Variants in FGF10 observed in about 807,000 individuals in gnomAD.
FGF10 encodes the protein FGF-10.
In FGF10, 2 loss-of-function variants were observed where a neutral mutation model predicts 19.8. That is an observed-to-expected ratio of 0.10 (90% CI 0.04 to 0.32). The LOEUF is 0.32. Among genes scored for constraint, FGF10 ranks in the 10% least tolerant of loss-of-function variants. The pLI, the probability that FGF10 is intolerant of heterozygous loss-of-function variation, is 1.00. For missense variants in FGF10, 191 were observed against 246.3 expected (o/e 0.78, Z 1.50); for synonymous variants, 112 against 94.0 (o/e 1.19, Z -1.10).
chr5:44,334,826 T>A (rs1448042), intron 1 of FGF10, among the ~76,000 whole-genome samples: 115 of 152,214 alleles, frequency 7.6e-4, no homozygotes, highest in African/African-American at 2.7e-3. Flanking sequence ...ATAAAGATAC[T>A]TGCATAAACA....
chr5:44,321,737 G>T (rs940471448), intron 1 of FGF10, among the ~76,000 whole-genome samples: 2 of 152,096 alleles, frequency 1.3e-5, no homozygotes, highest in Non-Finnish European at 2.9e-5. Flanking sequence ...GCACAGTTCT[G>T]TGAGGAGACA....
chr5:44,366,048 T>C (rs1441547915), intron 1 of FGF10, among the ~76,000 whole-genome samples: 1 of 151,904 alleles, frequency 6.6e-6, no homozygotes. Context: ...GCTCTTCTAT[T>C]ATTCTGATTA....
At position 44,345,556 on chromosome 5, in the gene FGF10, C is replaced by CT. The variant is rs796996493; in HGVS notation, c.326-35027dup. 3.3e-5 allele frequency among the ~76,000 whole-genome samples: 5 copies of CT among 150,548 alleles called. 1 individual carries two copies. Among genetic ancestry groups the CT allele is most frequent in the African/African-American group, 1.2e-4 (5 of 41,034 alleles). On this transcript the variant is annotated intron_variant, in intron 1 of 2. Coordinates refer to ENST00000264664, the MANE Select transcript of FGF10 (RefSeq NM_004465.2). ...TCAAGCTTTCCTCAAAATTTCTCTC[C>CT]TTTTTTTTCTTTGCTTCCCTTCTCA... is the stretch of plus-strand genomic sequence containing the variant.
intron 1 of FGF10, among the ~76,000 whole-genome samples, chr5:44,363,250 A>G (rs1741532005): frequency 6.6e-6 from 1 of 151,868 alleles, no homozygotes; most frequent in Admixed American, 6.6e-5. Flanking sequence ...ACTGCTCTTT[A>G]AGTGAAAACT....
At chr5:44,388,160 G>C (rs1742149038) in intron 1 of FGF10, among the ~76,000 whole-genome samples, 198 bp downstream of exon 1, 1 of 151,202 alleles carries the variant, frequency 6.6e-6, no homozygotes, top group South Asian at 2.1e-4. Flanking sequence ...AAGGGAGCGC[G>C]CTTAGGGGAG....
chr5:44,305,815 C>A (rs576685091), intron 2 of FGF10, among the ~76,000 whole-genome samples: 8 of 152,208 alleles, frequency 5.3e-5, no homozygotes, highest in South Asian at 2.1e-4. Flanking sequence ...ACAGATTTTG[C>A]TCGTGAACTC....
chr5:44,328,992 G>A (rs1740672291), intron 1 of FGF10, among the ~76,000 whole-genome samples: 1 of 152,078 alleles, frequency 6.6e-6, no homozygotes, highest in African/African-American at 2.4e-5. Context: ...GTGAGACTCT[G>A]TCTCTGAATA....
At chr5:44,320,808 G>A (rs908107337) in intron 1 of FGF10, among the ~76,000 whole-genome samples, 1 of 151,238 alleles carries the variant, frequency 6.6e-6, no homozygotes, top group Non-Finnish European at 1.5e-5. Context: ...TCTGCCTCCC[G>A]GACTCAAGTG....
intron 2 of FGF10, among the ~76,000 whole-genome samples, chr5:44,305,907 T>G (rs989068397): frequency 6.6e-6 from 1 of 152,170 alleles, no homozygotes; most frequent in Non-Finnish European, 1.5e-5. Flanking sequence ...TGAATAGCAA[T>G]GCCTACATTG....
intron 1 of FGF10, among the ~76,000 whole-genome samples, chr5:44,368,567 C>T (rs190092831): frequency 1.2e-4 from 18 of 152,156 alleles, no homozygotes; most frequent in African/African-American, 3.9e-4. Context: ...AACTATAGGT[C>T]AAGCTTATTA....
At chr5:44,382,535 T>A (rs1742007308) in intron 1 of FGF10, among the ~76,000 whole-genome samples, 1 of 152,186 alleles carries the variant, frequency 6.6e-6, no homozygotes, top group Admixed American at 6.5e-5. Context: ...TTTGTTGTAC[T>A]GACTGACTGA....
intron 1 of FGF10, among the ~76,000 whole-genome samples, chr5:44,361,026 A>G (rs545530597): frequency 6.6e-6 from 1 of 151,852 alleles, no homozygotes; most frequent in East Asian, 1.9e-4. Flanking sequence ...CATTGACCCA[A>G]TAAAGAATTC....
intron 1 of FGF10, among the ~76,000 whole-genome samples, chr5:44,341,538 T>G (rs1279778639): frequency 6.6e-6 from 1 of 151,864 alleles, no homozygotes; most frequent in African/African-American, 2.4e-5. Context: ...AGTAGGTAAG[T>G]TATTTTAGTC....
chr5:44,314,559 G>A (rs1740292063), intron 1 of FGF10, among the ~76,000 whole-genome samples: 1 of 152,052 alleles, frequency 6.6e-6, no homozygotes, highest in South Asian at 2.1e-4. Flanking sequence ...AAAATTTTGT[G>A]ACTTGATAAT....
intron 2 of FGF10, among the ~76,000 whole-genome samples, chr5:44,306,824 A>C (rs965984054): frequency 2.1e-4 from 32 of 152,224 alleles, no homozygotes; most frequent in African/African-American, 6.8e-4. Flanking sequence ...GGCTGAAAGT[A>C]AGAAGGAAAG....
intron 1 of FGF10, among the ~76,000 whole-genome samples, chr5:44,343,899 G>A (rs1471881549): frequency 6.6e-6 from 1 of 151,922 alleles, no homozygotes; most frequent in South Asian, 2.1e-4. Flanking sequence ...AAGAATTAAG[G>A]AAATAATAGG....
chr5:44,371,100 C>CA (rs1459969337), intron 1 of FGF10, among the ~76,000 whole-genome samples: 1 of 151,958 alleles, frequency 6.6e-6, no homozygotes, highest in Non-Finnish European at 1.5e-5. Flanking sequence ...CACCAGGAAC[C>CA]AAAAGGTGAT....
chr5:44,353,872 C>T (rs1274937477), intron 1 of FGF10, among the ~76,000 whole-genome samples: 1 of 151,358 alleles, frequency 6.6e-6, no homozygotes, highest in Non-Finnish European at 1.5e-5. Context: ...GTTTATCCAG[C>T]CAGCTAACAT....
At position 44,310,602 on chromosome 5, in the gene FGF10, A is replaced by C. The variant is rs1740189260; in HGVS notation, c.326-72T>G. 3 of 1,148,552 alleles carry C rather than the reference A, an allele frequency of 2.6e-6. No homozygotes were observed. In the South Asian group the frequency reaches 3.9e-5, roughly 15 times the overall value. 71.1% of individuals were successfully genotyped at this position (1,148,552 alleles called of 1,614,324 possible). On this transcript the variant is annotated intron_variant, in intron 1 of 2. Coordinates refer to ENST00000264664, the MANE Select transcript of FGF10 (RefSeq NM_004465.2). Reference sequence around the variant, plus strand: ...TTTGGAAGAAAAGTAAAATCAAAAGAAACTATTGAGTTGTTTTTTGTGTGG... The same window carrying C: ...TTTGGAAGAAAAGTAAAATCAAAAGCAACTATTGAGTTGTTTTTTGTGTGG...
Sources: allele counts gnomAD v4.1 joint callset (sites outside exome capture counted in the v4.1 genomes callset), GRCh38; gene constraint gnomAD v4.1.1; transcripts MANE v1.5; gene names NCBI Gene and HGNC (gene_info 2026-07-23, HGNC 2026-07-21).